The following ABTB2 variants were observed in gnomAD, a reference collection of about 807,000 sequenced individuals.
ABTB2 encodes the protein ankyrin repeat and BTB domain containing 2, also known as ankyrin repeat and BTB/POZ domain-containing protein 2.
Under a neutral mutation model 104.1 loss-of-function variants are expected in ABTB2, and 56 were observed. The ratio of observed to expected loss-of-function variants is 0.54; its 90% CI spans 0.43 to 0.67. The LOEUF is 0.67. ABTB2 is among the 30% of genes least tolerant of loss of function. ABTB2 has a pLI of 0.00. For missense variants in ABTB2, 1,279 were observed against 1,407.7 expected (o/e 0.91, Z 1.46); for synonymous variants, 606 against 608.2 (o/e 1.00, Z 0.05).
intron 1 of ABTB2, among the ~76,000 whole-genome samples, chr11:34,333,925 T>C (rs182550639): frequency 6.6e-6 from 1 of 151,146 alleles, no homozygotes; most frequent in East Asian, 2.0e-4. Flanking sequence ...GGATACGTTA[T>C]ACCCAGATGC....
chr11:34,222,029 G>C (rs2133051238), intron 1 of ABTB2, among the ~76,000 whole-genome samples: 1 of 152,286 alleles, frequency 6.6e-6, no homozygotes, highest in South Asian at 2.1e-4. Context: ...CTGGGTGACA[G>C]AGTGAGACTC....
At chr11:34,194,387 G>C (rs1454580911) in intron 3 of ABTB2, among the ~76,000 whole-genome samples, 1 of 152,274 alleles carries the variant, frequency 6.6e-6, no homozygotes, top group Admixed American at 6.5e-5. Context: ...AGGTGGGACA[G>C]AGGACGGGGC....
chr11:34,160,176 G>T, intron 12 of ABTB2, 72 bp downstream of exon 12: 1 of 1,415,780 alleles, frequency 7.1e-7, no homozygotes. Context: ...AGATGACAAA[G>T]TGGGGAGGAA....
chr11:34,344,890 T>C (rs1352856799), intron 1 of ABTB2, among the ~76,000 whole-genome samples: 1 of 152,112 alleles, frequency 6.6e-6, no homozygotes, highest in Non-Finnish European at 1.5e-5. Flanking sequence ...TACACAGCTT[T>C]CCCCACTTCA....
intron 1 of ABTB2, among the ~76,000 whole-genome samples, chr11:34,354,390 G>A (rs936458277): frequency 6.6e-6 from 1 of 151,692 alleles, no homozygotes; most frequent in Non-Finnish European, 1.5e-5. Flanking sequence ...TTGAGAGGCC[G>A]AGGCAGGAGG....
At position 34,220,887 on chromosome 11, in the gene ABTB2, T is replaced by C. The variant is rs116041658; in HGVS notation, c.884-16197A>G. Among the ~76,000 whole-genome samples, 945 of 152,282 alleles carry C rather than the reference T, an allele frequency of 6.2e-3. 12 individuals carry two copies. The highest frequency in any genetic ancestry group is 0.021 in the African/African-American group (871 of 41,538). On this transcript the variant is annotated intron_variant, in intron 1 of 16. Transcript: ENST00000435224. ...GGTGTTGGCAGGGGTTGGTTTCTCA[T>C]GAGGCCTCCCTCCTTGACTTGTAGG...
intron 3 of ABTB2, among the ~76,000 whole-genome samples, chr11:34,180,478 C>T (rs985568157): frequency 6.6e-6 from 1 of 152,178 alleles, no homozygotes; most frequent in Non-Finnish European, 1.5e-5. Context: ...ACCTAAATAC[C>T]GTCATATGCA....
At chr11:34,320,972 C>T (rs1185138816) in intron 1 of ABTB2, among the ~76,000 whole-genome samples, 4 of 152,186 alleles carry the variant, frequency 2.6e-5, no homozygotes, top group South Asian at 2.1e-4. Flanking sequence ...CACCTGAGGT[C>T]GGGAGTTCAA....
chr11:34,157,243 G>C (rs922251914), intron 14 of ABTB2, among the ~76,000 whole-genome samples: 35 of 152,370 alleles, frequency 2.3e-4, no homozygotes, highest in African/African-American at 7.7e-4. Context: ...GTACCCAGGA[G>C]ACCCACGGGG....
chr11:34,184,586 C>T (rs769793179), intron 3 of ABTB2, among the ~76,000 whole-genome samples: 4 of 152,342 alleles, frequency 2.6e-5, no homozygotes, highest in Middle Eastern at 3.4e-3. Flanking sequence ...CTTTCCCACA[C>T]GGCAGGGAGA....
chr11:34,338,392 GAA>G (rs113928293), intron 1 of ABTB2, among the ~76,000 whole-genome samples: 1 of 146,036 alleles, frequency 6.8e-6, no homozygotes, highest in Admixed American at 6.9e-5. Flanking sequence ...AAAAAGAAAA[GAA>G]AAAAAAAATA....
chr11:34,347,361 G>C (rs1855345271), intron 1 of ABTB2, among the ~76,000 whole-genome samples: 1 of 152,152 alleles, frequency 6.6e-6, no homozygotes, highest in Admixed American at 6.5e-5. Context: ...GCTTGAACCT[G>C]GAAGGAGGAG....
intron 1 of ABTB2, among the ~76,000 whole-genome samples, chr11:34,292,067 T>C (rs768525422): frequency 1.3e-5 from 2 of 152,182 alleles, no homozygotes; most frequent in Non-Finnish European, 2.9e-5. Context: ...TTTTGAAATC[T>C]ACCAAATTAG....
chr11:34,254,867 TC>T, intron 1 of ABTB2, among the ~76,000 whole-genome samples: 1 of 151,972 alleles, frequency 6.6e-6, no homozygotes, highest in Non-Finnish European at 1.5e-5. Flanking sequence ...AGACAGTGTT[TC>T]CACCATGTTG....
intron 3 of ABTB2, among the ~76,000 whole-genome samples, chr11:34,177,797 A>C (rs1852974720): frequency 6.6e-6 from 1 of 151,970 alleles, no homozygotes; most frequent in African/African-American, 2.4e-5. Flanking sequence ...TCGACTCCTA[A>C]GCTCAAGCGA....
In ABTB2 at chr11:34,190,100, C is replaced by T. The variant is rs182370395; in HGVS notation, c.1244+7225G>A. ...ACTAAAAATACAAAAATTAGCCAGGCATGGTGGCATGTGCCTATAATCCCA... is the reference window on the plus strand; with the variant it reads ...ACTAAAAATACAAAAATTAGCCAGGTATGGTGGCATGTGCCTATAATCCCA... On this transcript the variant is annotated intron_variant, in intron 3 of 16. Transcript: ENST00000435224. Among the ~76,000 whole-genome samples the T allele has an allele frequency of 3.3e-3, 500 of 152,238 alleles. 2 individuals carry two copies. The highest frequency in any genetic ancestry group is 5.7e-3 in the Non-Finnish European group (391 of 68,010).
At chr11:34,185,898 T>A (rs910255) in intron 3 of ABTB2, among the ~76,000 whole-genome samples, 28,735 of 152,214 alleles carry the variant, frequency 0.19, 2,893 homozygotes, top group African/African-American at 0.24. Context: ...TTGATCATTA[T>A]AGAATGTATA....
At chr11:34,171,436 G>A (rs1325624182) in intron 4 of ABTB2, among the ~76,000 whole-genome samples, 4 of 152,228 alleles carry the variant, frequency 2.6e-5, no homozygotes, top group South Asian at 4.2e-4. Flanking sequence ...TTAGCCAGGC[G>A]TGGTAGCATG....
intron 3 of ABTB2, 121 bp from the exon 4 acceptor site, chr11:34,173,428 G>C (rs1393473405): frequency 1.4e-5 from 17 of 1,249,170 alleles, no homozygotes; most frequent in Admixed American, 2.8e-5. Flanking sequence ...GTCCTAGGGT[G>C]GGGGGCTCCC....
Sources: gnomAD v4.1 joint callset for allele counts (sites outside exome capture counted in the v4.1 genomes callset) on GRCh38, gnomAD v4.1.1 for gene constraint, MANE v1.5 for transcripts, NCBI Gene and HGNC (gene_info 2026-07-23, HGNC 2026-07-21) for gene names.